Variants in CCSER2 observed in about 807,000 individuals in gnomAD.
The protein encoded by CCSER2 is coiled-coil serine rich protein 2.
Under a neutral mutation model 92.3 loss-of-function variants are expected in CCSER2, and 46 were observed. That is an observed-to-expected ratio of 0.50 (90% CI 0.39 to 0.64). CCSER2 has a LOEUF of 0.64. CCSER2 is among the 30% of genes least tolerant of loss of function. CCSER2 has a pLI of 0.00. For missense variants in CCSER2, 1,244 were observed against 1,238.9 expected, an observed-to-expected ratio of 1.00 and a Z score of -0.06; for synonymous variants, 433 against 431.4, an observed-to-expected ratio of 1.00 and a Z score of -0.04.
intron 3 of CCSER2, among the ~76,000 whole-genome samples, chr10:84,417,185 A>G (rs1488220154): frequency 2.0e-5 from 3 of 152,238 alleles, no homozygotes; most frequent in Non-Finnish European, 4.4e-5. Flanking sequence ...AAGAGATAAT[A>G]GCTAGTAAGG....
Position 84,513,945 on chromosome 10 carries a change from C to T in CCSER2, c.2822C>T (p.Pro941Leu). The T allele has an allele frequency of 6.5e-7, 1 of 1,536,662 alleles. No individual in the cohort carries two copies. Among genetic ancestry groups the T allele is most frequent in the South Asian group, 1.2e-5 (1 of 84,062 alleles). ...CCGCCTCCAGTTTCTGAATCATCTC[C>T]AAGTAGGACTCCCACTTGTAAAAAG... ...LVPPPVSESSPSRTPTCKKSP... is the reference protein window; with the variant it reads ...LVPPPVSESSLSRTPTCKKSP... Residue 941 changes from proline (P) to leucine (L), a missense_variant, in exon 10 of 10, where the codon CCA becomes CTA. By Grantham distance (98) the Pro-to-Leu change is moderately conservative. Coordinates refer to ENST00000372088, the MANE Select transcript of CCSER2 (RefSeq NM_001284240.2).
At chr10:84,490,046 T>G (rs892894009) in intron 9 of CCSER2, among the ~76,000 whole-genome samples, 7 of 152,218 alleles carry the variant, frequency 4.6e-5, no homozygotes, top group Admixed American at 1.3e-4. Context: ...ATTCTTTTCT[T>G]TAAGAATGTT....
At chr10:84,468,418 G>A (rs35338368) in intron 7 of CCSER2, among the ~76,000 whole-genome samples, 31,905 of 152,120 alleles carry the variant, frequency 0.21, 3,604 homozygotes, top group Admixed American at 0.34. Flanking sequence ...AATTATATGT[G>A]TCAAAACATT....
chr10:84,394,382 AGTATGTGTGTGTGT>A (rs1233959009), intron 3 of CCSER2, among the ~76,000 whole-genome samples: 4 of 91,118 alleles, frequency 4.4e-5, no homozygotes, highest in African/African-American at 1.1e-4. Context: ...ACAAAAGGAA[AGTATGTGTGTGTGT>A]GTGTGTGTGT....
chr10:84,370,741 C>T (rs1267022429), intron 1 of CCSER2, among the ~76,000 whole-genome samples: 1 of 152,080 alleles, frequency 6.6e-6, no homozygotes, highest in African/African-American at 2.4e-5. Flanking sequence ...TTATTTTTTA[C>T]ATAGTCAAAT....
At chr10:84,412,563 G>C (rs756195546) in intron 3 of CCSER2, among the ~76,000 whole-genome samples, 4 of 152,068 alleles carry the variant, frequency 2.6e-5, no homozygotes, top group African/African-American at 4.8e-5. Flanking sequence ...AGCAGGTCGT[G>C]GGGGGACGAA....
At position 84,457,271 on chromosome 10, in the gene CCSER2, AT is replaced by A. The variant is rs1845712989; in HGVS notation, c.2065-6661del. On this transcript the variant is annotated intron_variant, in intron 6 of 9. Transcript: ENST00000372088. Reference sequence around the variant, plus strand: ...ATATATTATATAAAATATATTATATATAATATATTATATATTATATATTATA... The same window carrying A: ...ATATATTATATAAAATATATTATATAAATATATTATATATTATATATTATA... Among the ~76,000 whole-genome samples, 14 of 6,408 alleles carry A rather than the reference AT, an allele frequency of 2.2e-3. No individual in the cohort carries two copies. In the Admixed American group the frequency reaches 0.037, roughly 17 times the overall value. The allele number at this position is 6,408 out of a possible 152,430, so 4.2% of individuals were successfully genotyped here. A position where few individuals can be genotyped will look rare whatever the true frequency, so the allele number is the denominator to read the frequency against.
chr10:84,484,481 G>C (rs1033997333), intron 9 of CCSER2, among the ~76,000 whole-genome samples: 30 of 133,020 alleles, frequency 2.3e-4, no homozygotes, highest in African/African-American at 9.1e-4. Flanking sequence ...GCATGCATGT[G>C]TGCATGCACG....
At chr10:84,438,844 T>G (rs920599929) in intron 6 of CCSER2, 137 bp downstream of exon 6, 2 of 560,018 alleles carry the variant, frequency 3.6e-6, no homozygotes, top group East Asian at 5.9e-5. Context: ...GTAAATAGTA[T>G]ATAGTAGAAA....
intron 1 of CCSER2, among the ~76,000 whole-genome samples, chr10:84,330,750 C>T (rs1174640997): frequency 6.6e-6 from 1 of 152,110 alleles, no homozygotes. Context: ...TCGTGATCCG[C>T]CCACCTCGGC....
rs139630232 is a variant in CCSER2 at position 84,440,712 on chromosome 10, G to T, written c.2064+2005G>T. On this transcript the variant is annotated intron_variant, in intron 6 of 9. Coordinates refer to ENST00000372088, the MANE Select transcript of CCSER2 (RefSeq NM_001284240.2). Reference sequence around the variant, plus strand: ...TATATCTTTAATTTACTTCCTAAGAGAGGATTAATGAATGGCACACTGTTT... The same window carrying T: ...TATATCTTTAATTTACTTCCTAAGATAGGATTAATGAATGGCACACTGTTT... Among the ~76,000 whole-genome samples, 385 of 152,304 alleles carry T rather than the reference G, an allele frequency of 2.5e-3. 2 individuals carry two copies. Among genetic ancestry groups the T allele is most frequent in the African/African-American group, 8.5e-3 (353 of 41,562 alleles).
intron 8 of CCSER2, among the ~76,000 whole-genome samples, chr10:84,472,859 T>A (rs1396363357): frequency 6.6e-6 from 1 of 152,210 alleles, no homozygotes; most frequent in African/African-American, 2.4e-5. Flanking sequence ...TTCCTTAACA[T>A]CTTCTAATAT....
chr10:84,481,979 G>A (rs1371487005), intron 9 of CCSER2, among the ~76,000 whole-genome samples: 2 of 152,106 alleles, frequency 1.3e-5, no homozygotes, highest in African/African-American at 2.4e-5. Flanking sequence ...TTGTTTAGTT[G>A]TAATTAATTT....
chr10:84,462,866 T>C (rs1011360754), intron 6 of CCSER2, among the ~76,000 whole-genome samples: 1 of 152,154 alleles, frequency 6.6e-6, no homozygotes, highest in African/African-American at 2.4e-5. Context: ...ACATTATCCA[T>C]GGTATGGGAG....
At chr10:84,395,084 C>T (rs945538494) in intron 3 of CCSER2, among the ~76,000 whole-genome samples, 9 of 151,824 alleles carry the variant, frequency 5.9e-5, no homozygotes, top group African/African-American at 2.2e-4. Context: ...ATTAGCCAGG[C>T]ATGGTGGCAT....
intron 7 of CCSER2, among the ~76,000 whole-genome samples, chr10:84,467,374 A>G (rs965263150): frequency 6.6e-6 from 1 of 152,172 alleles, no homozygotes; most frequent in Non-Finnish European, 1.5e-5. Context: ...CATGCTTGGT[A>G]ATCCAGTTGC....
chr10:84,511,363 A>G (rs1302810752), intron 9 of CCSER2, among the ~76,000 whole-genome samples: 1 of 152,190 alleles, frequency 6.6e-6, no homozygotes, highest in African/African-American at 2.4e-5. Context: ...ACAAATTTAT[A>G]GTGCACAATG....
intron 8 of CCSER2, 139 bp downstream of exon 8, chr10:84,470,597 G>T: frequency 1.8e-6 from 1 of 557,816 alleles, no homozygotes; most frequent in Non-Finnish European, 2.7e-6. Context: ...TAGATTATAT[G>T]CACTGTAATA....
chr10:84,450,990 T>G (rs1223218248), intron 6 of CCSER2, among the ~76,000 whole-genome samples: 1 of 152,110 alleles, frequency 6.6e-6, no homozygotes. Context: ...GATTTACAGA[T>G]TTAATACAGT....
Sources: gnomAD v4.1 joint callset for allele counts (sites outside exome capture counted in the v4.1 genomes callset) on GRCh38, gnomAD v4.1.1 for gene constraint, MANE v1.5 for transcripts, NCBI Gene and HGNC (gene_info 2026-07-23, HGNC 2026-07-21) for gene names.